Variants in FBXW11 observed in about 807,000 individuals in gnomAD.
The protein encoded by FBXW11 is F-box and WD repeat domain containing 11.
FBXW11 carries 19 observed loss-of-function variants against 77.6 expected under a neutral mutation model. The ratio of observed to expected loss-of-function variants is 0.24; its 90% CI spans 0.17 to 0.36. The LOEUF is 0.36. FBXW11 is among the 10% of genes least tolerant of loss of function. FBXW11 has a pLI of 1.00. For synonymous variants in FBXW11, 235 were observed against 249.4 expected, an observed-to-expected ratio of 0.94 and a Z score of 0.54; for missense variants, 334 against 704.2, an observed-to-expected ratio of 0.47 and a Z score of 5.95.
At chr5:171,963,379 T>C (rs1326439505) in intron 1 of FBXW11, among the ~76,000 whole-genome samples, 3 of 152,184 alleles carry the variant, frequency 2.0e-5, no homozygotes, top group African/African-American at 7.2e-5. Flanking sequence ...AAACATCCTA[T>C]GCAAGTATCT....
chr5:171,911,850 ATGAAG>A (rs1760903331), intron 3 of FBXW11, among the ~76,000 whole-genome samples: 1 of 152,242 alleles, frequency 6.6e-6, no homozygotes, highest in East Asian at 1.9e-4. Flanking sequence ...CACAACTACT[ATGAAG>A]TGCAGTAACC....
At chr5:171,951,934 CAAGATT>C (rs946872722) in intron 2 of FBXW11, among the ~76,000 whole-genome samples, 2 of 152,056 alleles carry the variant, frequency 1.3e-5, no homozygotes, top group African/African-American at 2.4e-5. Flanking sequence ...GAAAACTGTT[CAAGATT>C]AAGTTGAATA....
At chr5:171,918,349 C>A (rs1761386495) in intron 2 of FBXW11, among the ~76,000 whole-genome samples, 1 of 151,884 alleles carries the variant, frequency 6.6e-6, no homozygotes, top group Admixed American at 6.6e-5. Context: ...TTTTTAATCA[C>A]TTTGAATTTT....
chr5:171,982,280 T>A (rs1204959614), intron 1 of FBXW11, among the ~76,000 whole-genome samples: 1 of 152,154 alleles, frequency 6.6e-6, no homozygotes, highest in Non-Finnish European at 1.5e-5. Context: ...TATTTATTTA[T>A]TTTTTTGAGA....
At chr5:172,003,126 CAATT>C (rs1766516852) in intron 1 of FBXW11, 1 of 152,152 alleles carries the variant, frequency 6.6e-6, no homozygotes, top group Admixed American at 6.5e-5. Flanking sequence ...AGTCATTTAA[CAATT>C]AATTATAAAC....
At chr5:171,910,942 TTCAG>T in intron 3 of FBXW11, 145 bp from the exon 4 acceptor site, 1 of 613,082 alleles carries the variant, frequency 1.6e-6, no homozygotes, top group Non-Finnish European at 2.7e-6. Context: ...TACTAATTCA[TTCAG>T]GAATTAAAAA....
chr5:171,873,691 T>A (rs1348119536), intron 9 of FBXW11, among the ~76,000 whole-genome samples: 3 of 152,244 alleles, frequency 2.0e-5, no homozygotes, highest in African/African-American at 7.2e-5. Context: ...TTTTCCAGCA[T>A]ATTTTCTGGA....
At chr5:171,941,804 G>T (rs1030672) in intron 2 of FBXW11, among the ~76,000 whole-genome samples, 133,259 of 150,576 alleles carry the variant, frequency 0.88, 59,062 homozygotes, top group East Asian at 0.98. Flanking sequence ...CAGGAATAAA[G>T]GTGCTAAAAA....
intron 1 of FBXW11, among the ~76,000 whole-genome samples, chr5:171,972,834 C>T (rs1356701840): frequency 1.3e-5 from 2 of 152,126 alleles, no homozygotes; most frequent in African/African-American, 4.8e-5. Context: ...CGTGAGCCAC[C>T]GTGCCTGGCC....
chr5:171,890,259 G>A (rs1759247742), intron 7 of FBXW11, among the ~76,000 whole-genome samples: 2 of 152,100 alleles, frequency 1.3e-5, no homozygotes, highest in South Asian at 4.1e-4. Flanking sequence ...CAGGTGTGGT[G>A]GCTGCTCACG....
At chr5:171,991,093 T>C (rs1469505999) in intron 1 of FBXW11, among the ~76,000 whole-genome samples, 5 of 152,182 alleles carry the variant, frequency 3.3e-5, no homozygotes, top group Admixed American at 3.3e-4. Flanking sequence ...CCCAAAGTGC[T>C]GGGATTAAAG....
chr5:172,005,489 T>C (rs1766683768), intron 1 of FBXW11, among the ~76,000 whole-genome samples: 1 of 152,180 alleles, frequency 6.6e-6, no homozygotes, highest in African/African-American at 2.4e-5. Flanking sequence ...TCTTCACTTC[T>C]AGCCACTCTC....
In FBXW11 at chr5:171,983,422, G is replaced by C. The variant is rs139527611; in HGVS notation, c.45+23036C>G. Among the ~76,000 whole-genome samples, 339 of 152,240 alleles carry C rather than the reference G, an allele frequency of 2.2e-3. 2 individuals are homozygous for C. Among genetic ancestry groups the C allele is most frequent in the African/African-American group, 8.1e-3 (337 of 41,546 alleles). ...AGCAAATTAATTGAACCCACAGTAT[G>C]GGTAGCGGGAACCCCAACTTGAAGC... On this transcript the variant is annotated intron_variant, in intron 1 of 13. Coordinates refer to ENST00000517395, the MANE Select transcript of FBXW11 (RefSeq NM_001378974.1).
chr5:171,918,948 C>T (rs1388767185), intron 2 of FBXW11, among the ~76,000 whole-genome samples: 1 of 152,106 alleles, frequency 6.6e-6, no homozygotes, highest in Non-Finnish European at 1.5e-5. Flanking sequence ...AACTTGACAC[C>T]GTGGGAGAAT....
chr5:171,882,754 C>T (rs1758604269), intron 7 of FBXW11, among the ~76,000 whole-genome samples: 1 of 151,828 alleles, frequency 6.6e-6, no homozygotes, highest in South Asian at 2.1e-4. Flanking sequence ...TATGATTGGA[C>T]ATTGTATTAA....
rs1757107202 is a variant in FBXW11, at chr5:171,861,704, T to C, written c.*2423A>G. 6.5e-6 allele frequency: 1 copy of C among 152,680 alleles called. No homozygotes were observed. The highest frequency in any genetic ancestry group is 2.4e-5 in the African/African-American group (1 of 41,462). 9.5% of individuals were successfully genotyped at this position (152,680 alleles called of 1,614,324 possible). On this transcript the variant is annotated 3_prime_UTR_variant, in exon 14 of 14. Coordinates refer to ENST00000517395, the MANE Select transcript of FBXW11 (RefSeq NM_001378974.1). ...CTGGACAAAAGTCAAACTTTTTTGT[T>C]TTTTATTAAGCACATTCCACAGTAC...
At chr5:171,918,300 AT>A (rs1349618342) in intron 2 of FBXW11, among the ~76,000 whole-genome samples, 2 of 152,136 alleles carry the variant, frequency 1.3e-5, no homozygotes, top group African/African-American at 4.8e-5. Context: ...ATAAGTGGTG[AT>A]GGCAAAAATA....
intron 1 of FBXW11, among the ~76,000 whole-genome samples, chr5:171,962,783 C>A (rs539958682): frequency 3.0e-4 from 45 of 152,300 alleles, no homozygotes; most frequent in African/African-American, 1.1e-3. Flanking sequence ...GAAGAACTCA[C>A]AAAAGCTAAC....
chr5:171,899,358 C>T (rs972539080), intron 5 of FBXW11, among the ~76,000 whole-genome samples: 4 of 152,128 alleles, frequency 2.6e-5, no homozygotes, highest in African/African-American at 7.2e-5. Context: ...TAATAAAAAG[C>T]GCTAATGTAG....
Sources: gnomAD v4.1 joint callset for allele counts (sites outside exome capture counted in the v4.1 genomes callset) on GRCh38, gnomAD v4.1.1 for gene constraint, MANE v1.5 for transcripts, NCBI Gene and HGNC (gene_info 2026-07-23, HGNC 2026-07-21) for gene names.